The following FIG4 variants were observed in gnomAD, a reference collection of about 807,000 sequenced individuals.
FIG4 encodes polyphosphoinositide phosphatase.
FIG4 carries 112 observed loss-of-function variants against 118.6 expected under a neutral mutation model. That is an observed-to-expected ratio of 0.94 (90% CI 0.81 to 1.11). The LOEUF is 1.11. Ranked by LOEUF, FIG4 falls within the 50% of genes least tolerant of loss-of-function variation. FIG4 has a pLI of 0.00. For missense variants in FIG4, 969 were observed against 1,111.7 expected, an observed-to-expected ratio of 0.87 and a Z score of 1.83; for synonymous variants, 369 against 381.2, an observed-to-expected ratio of 0.97 and a Z score of 0.37.
intron 21 of FIG4, among the ~76,000 whole-genome samples, chr6:109,793,735 T>C (rs1778202334): frequency 6.6e-6 from 1 of 152,250 alleles, no homozygotes; most frequent in Admixed American, 6.5e-5. Context: ...GAATTAGATA[T>C]TGTCAGCTTT....
chr6:109,751,409 C>CA (rs1318176674), intron 10 of FIG4, among the ~76,000 whole-genome samples: 85 of 147,656 alleles, frequency 5.8e-4, no homozygotes, highest in South Asian at 1.5e-3. Flanking sequence ...GTTTTGGTAT[C>CA]AAGATGATGC....
chr6:109,707,133 C>T (rs748873400), intron 1 of FIG4, among the ~76,000 whole-genome samples: 1 of 152,046 alleles, frequency 6.6e-6, no homozygotes, highest in Non-Finnish European at 1.5e-5. Flanking sequence ...GTCATCTAGA[C>T]TGTACCTCTC....
chr6:109,774,721 TTC>T (rs1777568090), intron 15 of FIG4, among the ~76,000 whole-genome samples: 1 of 152,136 alleles, frequency 6.6e-6, no homozygotes, highest in South Asian at 2.1e-4. Context: ...CATTGGCTGT[TTC>T]TGTTTCTTTT....
intron 15 of FIG4, among the ~76,000 whole-genome samples, chr6:109,775,001 A>G (rs1777578322): frequency 2.0e-5 from 3 of 152,230 alleles, no homozygotes; most frequent in South Asian, 2.1e-4. Context: ...GAATTGTTAT[A>G]TTTAAACCTG....
Position 109,825,284 on chromosome 6 carries a change from TG to T in FIG4, c.*21del. 1 of 1,609,196 alleles carries T rather than the reference TG, an allele frequency of 6.2e-7. No individual in the cohort carries two copies. Among genetic ancestry groups the T allele is most frequent in the Non-Finnish European group, 8.5e-7 (1 of 1,175,662 alleles). On this transcript the variant is annotated 3_prime_UTR_variant, in exon 23 of 23. Coordinates refer to ENST00000230124, the MANE Select transcript of FIG4 (RefSeq NM_014845.6). ...CCTGTGAAAAGAGCGCAGGTCCACC[TG>T]GTGGACACGTCTGATTAGCTTAGAA...
intron 10 of FIG4, among the ~76,000 whole-genome samples, chr6:109,759,274 G>GGA (rs1254758276): frequency 2.0e-5 from 3 of 152,066 alleles, no homozygotes; most frequent in Non-Finnish European, 4.4e-5. Flanking sequence ...CCATAAAAAA[G>GGA]GATGAGTTCA....
chr6:109,798,244 T>C (rs895500711), intron 22 of FIG4, among the ~76,000 whole-genome samples: 1 of 152,106 alleles, frequency 6.6e-6, no homozygotes, highest in Admixed American at 6.6e-5. Flanking sequence ...TCTTAAGTGG[T>C]GAAATGGACA....
At position 109,691,521 on chromosome 6, in the gene FIG4, G is replaced by C. The variant is rs1229259807; in HGVS notation, c.66+20G>C. 2.6e-6 allele frequency: 4 copies of C among 1,562,174 alleles called. No individual in the cohort carries two copies. The highest frequency in any genetic ancestry group is 3.8e-5 in the Admixed American group (2 of 52,628). Reference sequence around the variant, plus strand: ...AGAGCTGTGAGTACCCCCTCGCGGCGGGGCGCAGGCGGGAGGATGGATGTC... The same window carrying C: ...AGAGCTGTGAGTACCCCCTCGCGGCCGGGCGCAGGCGGGAGGATGGATGTC... On this transcript the variant is annotated intron_variant, in intron 1 of 22. Coordinates refer to ENST00000230124, the MANE Select transcript of FIG4 (RefSeq NM_014845.6).
At chr6:109,714,035 T>C (rs1383494089) in intron 1 of FIG4, among the ~76,000 whole-genome samples, 1 of 152,136 alleles carries the variant, frequency 6.6e-6, no homozygotes, top group African/African-American at 2.4e-5. Context: ...TCCCTGGCTG[T>C]GCTCCACTAC....
chr6:109,818,175 TGA>T (rs1778912213), intron 22 of FIG4, among the ~76,000 whole-genome samples: 1 of 152,152 alleles, frequency 6.6e-6, no homozygotes, highest in African/African-American at 2.4e-5. Flanking sequence ...TAAGACATTT[TGA>T]GAGATGGAGA....
In FIG4 at chr6:109,732,684, T is replaced by G. The variant is rs772749482; in HGVS notation, c.494T>G (p.Phe165Cys). The part of the protein sequence containing the change: ...QNVDLSSNFY[F>C]SYSYDLSHSL... The stretch of plus-strand genomic sequence containing the variant: ...GTGGACCTATCTAGCAATTTTTACT[T>G]TAGGTAAGTGTGAGGTTAGTTTTGC... The change falls in exon 5 of 23, where the codon TTT becomes TGT. Residue 165 changes from phenylalanine (F) to cysteine (C), a missense_variant. Coordinates refer to ENST00000230124, the MANE Select transcript of FIG4 (RefSeq NM_014845.6). 2 of 1,536,544 alleles carry G rather than the reference T, an allele frequency of 1.3e-6. No homozygotes were observed. The highest frequency in any genetic ancestry group is 2.2e-5 in the South Asian group (2 of 89,532).
At chr6:109,751,644 A>G (rs1776699926) in intron 10 of FIG4, among the ~76,000 whole-genome samples, 1 of 151,806 alleles carries the variant, frequency 6.6e-6, no homozygotes, top group South Asian at 2.1e-4. Flanking sequence ...TAGTCTTGGG[A>G]GGGTGTATGT....
Position 109,716,465 on chromosome 6 carries a change from A to C in FIG4, c.186A>C (p.Glu62Asp). Residue 62 changes from glutamate (E) to aspartate (D), a missense_variant, in exon 3 of 23, where the codon GAA (glutamate) becomes GAC (aspartate). By Grantham distance (45) the Glu-to-Asp change is conservative. This residue lies in a region of FIG4 where 393 missense variants were observed against 409.4 expected (regional missense o/e 0.96). Transcript: ENST00000230124. ...IDDRHVYTQQEVRELLGRLDL... is the reference protein window; with the variant it reads ...IDDRHVYTQQDVRELLGRLDL... ...CTTAGCATGTCTATACTCAACAAGA[A>C]GTAAGGGAACTTCTTGGCCGCTTGG... 1 of 1,613,888 alleles carries C rather than the reference A, an allele frequency of 6.2e-7. No individual in the cohort carries two copies. Among genetic ancestry groups the C allele is most frequent in the Non-Finnish European group, 8.5e-7 (1 of 1,179,784 alleles).
intron 15 of FIG4, among the ~76,000 whole-genome samples, chr6:109,773,857 A>T (rs1777538556): frequency 6.6e-6 from 1 of 152,192 alleles, no homozygotes; most frequent in South Asian, 2.1e-4. Flanking sequence ...TTTTCTGTAG[A>T]GATAGGGTCT....
chr6:109,817,469 A>G lies in FIG4; in HGVS notation c.2547-7619A>G, dbSNP rs555650552. The stretch of plus-strand genomic sequence containing the variant: ...ATTCTGAATTGGAAGCATTTTACCT[A>G]TTTCAGGTCAGAAAATCATCAAGCT... On this transcript the variant is annotated intron_variant, in intron 22 of 22. Coordinates refer to ENST00000230124, the MANE Select transcript of FIG4 (RefSeq NM_014845.6). Among the ~76,000 whole-genome samples, 7 of 152,224 alleles carry G rather than the reference A, an allele frequency of 4.6e-5. No individual in the cohort carries two copies. In the South Asian group the frequency reaches 1.2e-3, roughly 27 times the overall value.
intron 4 of FIG4, among the ~76,000 whole-genome samples, chr6:109,727,966 C>A (rs1371982108): frequency 6.6e-6 from 1 of 152,140 alleles, no homozygotes; most frequent in African/African-American, 2.4e-5. Flanking sequence ...TGGTCGGATT[C>A]TGGGTTAAAA....
chr6:109,713,803 G>A (rs1048890757), intron 1 of FIG4, among the ~76,000 whole-genome samples: 1 of 152,084 alleles, frequency 6.6e-6, no homozygotes, highest in Non-Finnish European at 1.5e-5. Context: ...CACCAATCAG[G>A]TGCCAGTCCA....
In FIG4 at chr6:109,799,409, T is replaced by C. The variant is rs150455859; in HGVS notation, c.2546+2558T>C. Among the ~76,000 whole-genome samples the C allele has an allele frequency of 1.5e-3, 225 of 152,372 alleles. 1 individual carries two copies. Among genetic ancestry groups the C allele is most frequent in the African/African-American group, 5.1e-3 (214 of 41,596 alleles). On this transcript the variant is annotated intron_variant, in intron 22 of 22. Coordinates refer to ENST00000230124, the MANE Select transcript of FIG4 (RefSeq NM_014845.6). The stretch of plus-strand genomic sequence containing the variant: ...GTGTGCACAGGGACGTGCTTTAAAT[T>C]GAAACTGTAGTCAGGTTCTTAAAAT...
chr6:109,792,114 A>G (rs1778152772), intron 20 of FIG4, among the ~76,000 whole-genome samples: 2 of 152,258 alleles, frequency 1.3e-5, no homozygotes, highest in African/African-American at 2.4e-5. Context: ...ATGTTCCAGA[A>G]GTTGGCAAAC....
Sources: allele counts gnomAD v4.1 joint callset (sites outside exome capture counted in the v4.1 genomes callset), GRCh38; gene constraint gnomAD v4.1.1; regional missense constraint gnomAD v4.1.1; transcripts MANE v1.5; gene names NCBI Gene and HGNC (gene_info 2026-07-23, HGNC 2026-07-21).